Variants in METTL15 observed in about 807,000 individuals in gnomAD.
METTL15 encodes 12S rRNA N(4)-cytidine methyltransferase METTL15.
A neutral mutation model predicts 38.3 loss-of-function variants in METTL15; 34 were observed. The ratio of observed to expected loss-of-function variants is 0.89; its 90% CI spans 0.68 to 1.18. METTL15 has a LOEUF of 1.18. METTL15 is among the 50% of genes most tolerant of loss of function. The pLI, the probability that METTL15 is intolerant of heterozygous loss-of-function variation, is 0.00. For missense variants in METTL15, 438 were observed against 498.4 expected, an observed-to-expected ratio of 0.88 and a Z score of 1.15; for synonymous variants, 162 against 170.9, an observed-to-expected ratio of 0.95 and a Z score of 0.41.
intron 3 of METTL15, among the ~76,000 whole-genome samples, chr11:28,182,831 A>G (rs751988642): frequency 1.3e-5 from 2 of 152,046 alleles, no homozygotes; most frequent in Non-Finnish European, 2.9e-5. Context: ...CATTGAATCT[A>G]TAAATTACTT....
At chr11:28,296,140 A>G (rs909038518) in intron 5 of METTL15, among the ~76,000 whole-genome samples, 2 of 152,140 alleles carry the variant, frequency 1.3e-5, no homozygotes, top group African/African-American at 2.4e-5. Flanking sequence ...GTTTTACCAT[A>G]TGGTGTCCTT....
Position 28,431,218 on chromosome 11 carries a change from G to A in METTL15, c.*424+6854G>A, listed in dbSNP as rs1319465200. Among the ~76,000 whole-genome samples, 2 of 137,738 alleles carry A rather than the reference G, an allele frequency of 1.5e-5. 1 individual carries two copies. Among genetic ancestry groups the A allele is most frequent in the South Asian group, 4.8e-4 (2 of 4,172 alleles). The allele number at this position is 137,738 out of a possible 152,430, so 90.4% of individuals were successfully genotyped here. On this transcript the variant is annotated intron_variant and NMD_transcript_variant, in intron 6 of 7. Coordinates refer to the METTL15 transcript ENST00000532947. ...CGGGAGGTGAGGGGCGCCTCTGCCC[G>A]GCCGCCCCTACTGGGAAGTGAGGAG...
intron 3 of METTL15, among the ~76,000 whole-genome samples, chr11:28,114,709 C>T (rs144292860): frequency 1.2e-4 from 19 of 152,204 alleles, no homozygotes; most frequent in African/African-American, 4.3e-4. Flanking sequence ...CCTTGGCCTC[C>T]GAAAGTGTTG....
At chr11:28,235,046 C>T (rs1249576080) in intron 4 of METTL15, among the ~76,000 whole-genome samples, 1 of 152,090 alleles carries the variant, frequency 6.6e-6, no homozygotes, top group Admixed American at 6.5e-5. Context: ...TTCCCAGCAC[C>T]ATTTATTAAA....
chr11:28,378,552 G>A (rs941505079), intron 5 of METTL15, among the ~76,000 whole-genome samples: 3 of 152,154 alleles, frequency 2.0e-5, no homozygotes, highest in Admixed American at 6.5e-5. Context: ...TGCACCCACT[G>A]TCTGGCACTC....
At chr11:28,246,067 AG>A (rs1341475026) in intron 4 of METTL15, among the ~76,000 whole-genome samples, 1 of 152,172 alleles carries the variant, frequency 6.6e-6, no homozygotes, top group Non-Finnish European at 1.5e-5. Context: ...CGATGAAAAG[AG>A]GTTGATTAAT....
intron 6 of METTL15, among the ~76,000 whole-genome samples, chr11:28,428,152 C>T (rs1850881756): frequency 1.3e-5 from 2 of 152,134 alleles, no homozygotes; most frequent in Admixed American, 1.3e-4. Flanking sequence ...GTAGAGTGTA[C>T]TTACACAAAC....
rs368721902 is a variant in METTL15, at chr11:28,240,618, C to T, written c.407+29420C>T. Among the ~76,000 whole-genome samples the T allele has an allele frequency of 7.8e-4, 118 of 152,226 alleles. 2 individuals carry two copies. The East Asian group carries it at 0.012, about 15-fold the overall frequency. ...CTAGGATTAAAATCTTAAATATATG[C>T]GTAAGAGCTTAGTGCTTGTTCCTTT... On this transcript the variant is annotated intron_variant, in intron 4 of 6. Coordinates refer to ENST00000407364, the MANE Select transcript of METTL15 (RefSeq NM_001113528.2).
At chr11:28,340,953 A>G (rs1424520107) in intron 3 of METTL15, among the ~76,000 whole-genome samples, 2 of 152,236 alleles carry the variant, frequency 1.3e-5, no homozygotes, top group Non-Finnish European at 2.9e-5. Context: ...TGGATAAAGA[A>G]AATGTGGCAC....
At chr11:28,218,867 A>G in intron 4 of METTL15, among the ~76,000 whole-genome samples, 1 of 151,962 alleles carries the variant, frequency 6.6e-6, no homozygotes, top group East Asian at 1.9e-4. Context: ...ACGTTTATTG[A>G]TTTGCGTATA....
chr11:28,285,494 G>A (rs1173177801), intron 4 of METTL15, among the ~76,000 whole-genome samples: 4 of 151,906 alleles, frequency 2.6e-5, no homozygotes, highest in Non-Finnish European at 1.5e-5. Flanking sequence ...GAGTAAAGAA[G>A]ACTTAAAGAA....
rs1851941241 is a variant in METTL15 at position 28,197,216 on chromosome 11, T to A, written c.271-13846T>A. Among the ~76,000 whole-genome samples, 4 of 151,872 alleles carry A rather than the reference T, an allele frequency of 2.6e-5. No homozygotes were observed. In the South Asian group the frequency reaches 8.3e-4, roughly 31 times the overall value. Reference sequence around the variant, plus strand: ...TTAAGTTCTTTGAAATTTCTCCTGCTGGAAGTGTATTATCGAGAGTCTCCT... The same window carrying A: ...TTAAGTTCTTTGAAATTTCTCCTGCAGGAAGTGTATTATCGAGAGTCTCCT... On this transcript the variant is annotated intron_variant, in intron 3 of 6. Transcript: ENST00000407364.
intron 3 of METTL15, among the ~76,000 whole-genome samples, chr11:28,151,271 C>T (rs1237451701): frequency 6.6e-6 from 1 of 151,908 alleles, no homozygotes; most frequent in Admixed American, 6.6e-5. Flanking sequence ...CCTCTCCCTT[C>T]TTTAAAACAT....
At chr11:28,405,163 C>T (rs1357828888) in intron 5 of METTL15, among the ~76,000 whole-genome samples, 1 of 152,124 alleles carries the variant, frequency 6.6e-6, no homozygotes, top group Non-Finnish European at 1.5e-5. Flanking sequence ...CCACTTTGTC[C>T]TAACTCCTGG....
chr11:28,314,426 G>A (rs1017219981), intron 6 of METTL15, among the ~76,000 whole-genome samples: 1 of 152,162 alleles, frequency 6.6e-6, no homozygotes, highest in East Asian at 1.9e-4. Context: ...CCAACTCTGG[G>A]AAGTGCATAT....
intron 4 of METTL15, among the ~76,000 whole-genome samples, chr11:28,254,681 T>C (rs749213148): frequency 3.9e-4 from 60 of 152,278 alleles, no homozygotes; most frequent in Middle Eastern, 3.4e-3. Flanking sequence ...GATAGGGGTC[T>C]TCATTATTCC....
At chr11:28,359,177 A>T (rs1850114815) in intron 4 of METTL15, among the ~76,000 whole-genome samples, 1 of 152,168 alleles carries the variant, frequency 6.6e-6, no homozygotes, top group East Asian at 1.9e-4. Flanking sequence ...AAGTGAGAAC[A>T]TGTGGTGTTT....
chr11:28,364,030 G>A (rs1249172927), intron 5 of METTL15, among the ~76,000 whole-genome samples: 3 of 151,892 alleles, frequency 2.0e-5, no homozygotes, highest in African/African-American at 7.3e-5. Flanking sequence ...ATTCTGTTTC[G>A]CTGGTCTGCG....
At chr11:28,274,389 A>T (rs1182101854) in intron 4 of METTL15, among the ~76,000 whole-genome samples, 1 of 151,990 alleles carries the variant, frequency 6.6e-6, no homozygotes, top group African/African-American at 2.4e-5. Flanking sequence ...AGCCAACAGG[A>T]AAAAAGGTTT....
Sources: gnomAD v4.1 joint callset for allele counts (sites outside exome capture counted in the v4.1 genomes callset) on GRCh38, gnomAD v4.1.1 for gene constraint, MANE v1.5 for transcripts, NCBI Gene and HGNC (gene_info 2026-07-23, HGNC 2026-07-21) for gene names.